ROBO1: variants seen among roughly 807,000 people sequenced by gnomAD.
The protein encoded by ROBO1 is roundabout homolog 1.
ROBO1 carries 149 observed loss-of-function variants against 195.9 expected under a neutral mutation model. The observed-to-expected ratio is 0.76, with a 90% confidence interval of 0.67 to 0.87. The LOEUF is 0.87. ROBO1 is among the 40% of genes least tolerant of loss of function. ROBO1 has a pLI of 0.00. For synonymous variants in ROBO1, 816 were observed against 733.2 expected, an observed-to-expected ratio of 1.11 and a Z score of -1.82; for missense variants, 1,933 against 2,068.3, an observed-to-expected ratio of 0.93 and a Z score of 1.27.
chr3:79,339,631 C>T (rs2034825814), intron 2 of ROBO1, among the ~76,000 whole-genome samples: 1 of 152,078 alleles, frequency 6.6e-6, no homozygotes, highest in African/African-American at 2.4e-5. Flanking sequence ...TAATTACTTC[C>T]TTAGCACTCA....
chr3:78,705,276 GGAA>G (rs1424151684), intron 8 of ROBO1, among the ~76,000 whole-genome samples: 1 of 152,104 alleles, frequency 6.6e-6, no homozygotes, highest in Non-Finnish European at 1.5e-5. Context: ...ATTTAGTTTT[GGAA>G]GAAGCTGAGA....
At position 79,452,751 on chromosome 3, in the gene ROBO1, T is replaced by C. The variant is rs146149928; in HGVS notation, c.88+137073A>G. On this transcript the variant is annotated intron_variant, in intron 2 of 30. Coordinates refer to ENST00000464233, the MANE Select transcript of ROBO1 (RefSeq NM_002941.4). Reference sequence around the variant, plus strand: ...CTTAGATTTTTACTTGAAATATATATGATATTAATATGTATTTTATTCAGT... The same window carrying C: ...CTTAGATTTTTACTTGAAATATATACGATATTAATATGTATTTTATTCAGT... Among the ~76,000 whole-genome samples, 207 of 152,194 alleles carry C rather than the reference T, an allele frequency of 1.4e-3. 2 individuals are homozygous for C. Among genetic ancestry groups the C allele is most frequent in the African/African-American group, 4.6e-3 (191 of 41,552 alleles).
intron 2 of ROBO1, among the ~76,000 whole-genome samples, chr3:79,492,746 T>C (rs7622888): frequency 0.36 from 54,898 of 151,918 alleles, 10,165 homozygotes; most frequent in African/African-American, 0.43. Context: ...TGTATTAGCA[T>C]TGCATGAATT....
chr3:79,227,867 G>A (rs796704965), intron 2 of ROBO1, among the ~76,000 whole-genome samples: 1 of 152,130 alleles, frequency 6.6e-6, no homozygotes, highest in Admixed American at 6.5e-5. Context: ...TGGTCTCAGA[G>A]ATACAAGAGT....
chr3:79,036,471 T>A (rs1397157261), intron 3 of ROBO1, among the ~76,000 whole-genome samples: 1 of 152,300 alleles, frequency 6.6e-6, no homozygotes, highest in Admixed American at 6.5e-5. Flanking sequence ...TATATAAACA[T>A]CTTTTAAGTC....
intron 2 of ROBO1, among the ~76,000 whole-genome samples, chr3:79,429,199 G>A (rs1403432714): frequency 7.2e-5 from 11 of 152,078 alleles, no homozygotes; most frequent in Admixed American, 6.6e-4. Flanking sequence ...ATACGAACAA[G>A]TTACCCTCCA....
At chr3:79,548,611 C>G (rs529863228) in intron 2 of ROBO1, among the ~76,000 whole-genome samples, 11 of 152,198 alleles carry the variant, frequency 7.2e-5, no homozygotes, top group Non-Finnish European at 1.3e-4. Context: ...ATTTTCAGTT[C>G]ATAAAATATA....
chr3:79,694,304 C>A lies in ROBO1; in HGVS notation c.-51+73448G>T, dbSNP rs375362396. ...CAAATAATTTATAAGCCACAGTTTA[C>A]AAAAAAAATGGCCTATTTACTTATC... On this transcript the variant is annotated intron_variant, in intron 1 of 30. Transcript: ENST00000464233. Among the ~76,000 whole-genome samples, 294 of 151,432 alleles carry A rather than the reference C, an allele frequency of 1.9e-3. 1 individual carries two copies. Among genetic ancestry groups the A allele is most frequent in the African/African-American group, 6.9e-3 (285 of 41,384 alleles).
intron 8 of ROBO1, among the ~76,000 whole-genome samples, chr3:78,703,097 A>C (rs1268721808): frequency 2.0e-5 from 3 of 152,188 alleles, no homozygotes; most frequent in African/African-American, 7.2e-5. Context: ...AAAGAAATCT[A>C]AGAGAATCCC....
chr3:79,175,806 G>A (rs541882690), intron 2 of ROBO1, among the ~76,000 whole-genome samples: 5 of 152,252 alleles, frequency 3.3e-5, no homozygotes, highest in East Asian at 3.9e-4. Flanking sequence ...TTATTGGCAC[G>A]TGGTTCTTAT....
Position 79,414,009 on chromosome 3 carries a change from T to G in ROBO1, c.88+175815A>C, listed in dbSNP as rs376931983. On this transcript the variant is annotated intron_variant, in intron 2 of 30. Transcript: ENST00000464233. ...CATGAACTTCCAGTCTGTCGACCTTTTTATTTACTTTCTCCTCGAAATACC... is the reference window on the plus strand; with the variant it reads ...CATGAACTTCCAGTCTGTCGACCTTGTTATTTACTTTCTCCTCGAAATACC... Among the ~76,000 whole-genome samples the G allele has an allele frequency of 2.6e-5, 4 of 152,236 alleles. No individual in the cohort carries two copies. The South Asian group carries it at 6.2e-4, about 24-fold the overall frequency.
intron 1 of ROBO1, among the ~76,000 whole-genome samples, chr3:79,607,313 T>C (rs1297882034): frequency 6.6e-6 from 1 of 151,322 alleles, no homozygotes; most frequent in African/African-American, 2.4e-5. Flanking sequence ...AAATATTATT[T>C]TTATAGTGAC....
At chr3:79,495,026 T>TAGAC (rs1439787269) in intron 2 of ROBO1, among the ~76,000 whole-genome samples, 1 of 151,958 alleles carries the variant, frequency 6.6e-6, no homozygotes, top group Non-Finnish European at 1.5e-5. Context: ...GATAGGTAGA[T>TAGAC]AGATAGATAG....
At chr3:79,701,832 TG>T (rs1465310127) in intron 1 of ROBO1, among the ~76,000 whole-genome samples, 43 of 79,664 alleles carry the variant, frequency 5.4e-4, no homozygotes, top group African/African-American at 3.2e-3. Context: ...ATATTTGAAA[TG>T]ATAATATTTT....
chr3:78,872,220 C>T (rs945661289), intron 4 of ROBO1, among the ~76,000 whole-genome samples: 1 of 152,188 alleles, frequency 6.6e-6, no homozygotes, highest in African/African-American at 2.4e-5. Flanking sequence ...GACCATCCCC[C>T]TCCATTTCTC....
At chr3:79,156,429 T>C (rs1576748746) in intron 2 of ROBO1, among the ~76,000 whole-genome samples, 1 of 151,818 alleles carries the variant, frequency 6.6e-6, no homozygotes, top group South Asian at 2.1e-4. Flanking sequence ...TTTTTCACAT[T>C]GTTACATAAT....
intron 2 of ROBO1, among the ~76,000 whole-genome samples, chr3:79,151,237 G>C (rs1001529280): frequency 6.6e-6 from 1 of 151,686 alleles, no homozygotes; most frequent in African/African-American, 2.4e-5. Flanking sequence ...TCTCAGGTGT[G>C]TCTTTATTAG....
intron 1 of ROBO1, among the ~76,000 whole-genome samples, chr3:79,642,405 A>C (rs1945692655): frequency 6.6e-6 from 1 of 152,170 alleles, no homozygotes; most frequent in African/African-American, 2.4e-5. Context: ...GAAAGAGATA[A>C]ATATCCAGTT....
At chr3:79,218,150 C>G (rs2108818607) in intron 2 of ROBO1, among the ~76,000 whole-genome samples, 1 of 152,094 alleles carries the variant, frequency 6.6e-6, no homozygotes, top group Admixed American at 6.6e-5. Context: ...TGAATGTAAA[C>G]TGGCATCTTG....
Sources: allele counts gnomAD v4.1 joint callset (sites outside exome capture counted in the v4.1 genomes callset), GRCh38; gene constraint gnomAD v4.1.1; transcripts MANE v1.5; gene names NCBI Gene and HGNC (gene_info 2026-07-23, HGNC 2026-07-21).